The following PDE11A variants were observed in gnomAD, a reference collection of about 807,000 sequenced individuals.
PDE11A encodes the protein phosphodiesterase 11A.
PDE11A carries 100 observed loss-of-function variants against 100.5 expected under a neutral mutation model. The ratio of observed to expected loss-of-function variants is 1.00; its 90% CI spans 0.85 to 1.18. The LOEUF (loss-of-function observed/expected upper bound fraction) is 1.18, where lower values mean the gene tolerates loss of function less well. Among genes scored for constraint, PDE11A ranks in the 50% most tolerant of loss-of-function variants. The pLI is 0.00. For synonymous variants in PDE11A, 381 were observed against 420.8 expected, an observed-to-expected ratio of 0.91 and a Z score of 1.16; for missense variants, 1,141 against 1,152.6, an observed-to-expected ratio of 0.99 and a Z score of 0.15.
intron 5 of PDE11A, among the ~76,000 whole-genome samples, chr2:177,850,830 A>T (rs1002896860): frequency 1.3e-5 from 2 of 152,148 alleles, no homozygotes; most frequent in African/African-American, 2.4e-5. Flanking sequence ...TCAAAACCAC[A>T]ATGAGATACC....
chr2:177,679,622 G>C (rs1036492473), intron 16 of PDE11A, among the ~76,000 whole-genome samples: 2 of 152,062 alleles, frequency 1.3e-5, no homozygotes, highest in Non-Finnish European at 2.9e-5. Flanking sequence ...TATACAAAAA[G>C]AAAGAAATTG....
intron 9 of PDE11A, among the ~76,000 whole-genome samples, chr2:177,816,126 G>T (rs1005492277): frequency 1.3e-5 from 2 of 152,086 alleles, no homozygotes; most frequent in African/African-American, 2.4e-5. Flanking sequence ...CAGGAGAATT[G>T]CTTGAACCCG....
At chr2:177,848,066 C>A (rs1258454859) in intron 5 of PDE11A, among the ~76,000 whole-genome samples, 1 of 151,956 alleles carries the variant, frequency 6.6e-6, no homozygotes, top group African/African-American at 2.4e-5. Context: ...GCATAGAATT[C>A]TTAGCAACAT....
intron 5 of PDE11A, among the ~76,000 whole-genome samples, chr2:177,864,062 G>A (rs1285977491): frequency 2.0e-5 from 3 of 152,104 alleles, no homozygotes; most frequent in Non-Finnish European, 4.4e-5. Context: ...ACATGGATAA[G>A]CCTGGAGGAC....
intron 9 of PDE11A, among the ~76,000 whole-genome samples, chr2:177,790,730 G>A (rs2082617024): frequency 6.6e-6 from 1 of 152,124 alleles, no homozygotes. Flanking sequence ...GTGGGCGAAG[G>A]ATATGAACAG....
intron 1 of PDE11A, 34 bp from the exon 2 acceptor site, chr2:178,014,494 G>A (rs377409961): frequency 6.4e-6 from 10 of 1,568,162 alleles, no homozygotes; most frequent in Non-Finnish European, 8.8e-6. Context: ...TTAACTGCAT[G>A]TGCATTGTTG....
chr2:178,064,876 C>T (rs1043565550), intron 1 of PDE11A, among the ~76,000 whole-genome samples: 1 of 151,398 alleles, frequency 6.6e-6, no homozygotes, highest in Admixed American at 6.6e-5. Context: ...AAGATTTTTT[C>T]TCCTGAATTT....
intron 10 of PDE11A, among the ~76,000 whole-genome samples, chr2:177,759,839 T>C (rs1366404487): frequency 6.6e-6 from 1 of 152,208 alleles, no homozygotes; most frequent in Admixed American, 6.5e-5. Context: ...ACGTATTAAT[T>C]GCCCAAAGAG....
At chr2:177,822,266 T>C (rs553942785) in intron 6 of PDE11A, among the ~76,000 whole-genome samples, 2 of 152,050 alleles carry the variant, frequency 1.3e-5, no homozygotes, top group South Asian at 4.1e-4. Flanking sequence ...TTTTCATGTA[T>C]AATATGAGCT....
intron 12 of PDE11A, among the ~76,000 whole-genome samples, chr2:177,714,016 C>T (rs527873288): frequency 8.2e-4 from 27 of 32,728 alleles, no homozygotes; most frequent in Middle Eastern, 0.033. Flanking sequence ...TTTTTTGAGA[C>T]GGAGTCTCTC....
At chr2:177,751,264 A>G (rs1007593342) in intron 10 of PDE11A, among the ~76,000 whole-genome samples, 4 of 151,540 alleles carry the variant, frequency 2.6e-5, no homozygotes, top group African/African-American at 9.7e-5. Flanking sequence ...CTTACTTCCT[A>G]TCACACTTCC....
chr2:177,882,567 AC>A (rs2084360566), intron 4 of PDE11A, among the ~76,000 whole-genome samples: 1 of 152,236 alleles, frequency 6.6e-6, no homozygotes, highest in Admixed American at 6.5e-5. Flanking sequence ...ATATACACAC[AC>A]TAAGTAAAAA....
Position 178,001,275 on chromosome 2 carries a change from A to AGTGTGTGTGTGTGTGTGT in PDE11A, c.1071+13009_1071+13026dup, listed in dbSNP as rs57136586. 9.5e-3 allele frequency among the ~76,000 whole-genome samples: 1,334 copies of AGTGTGTGTGTGTGTGTGT among 140,722 alleles called. 25 individuals are homozygous for AGTGTGTGTGTGTGTGTGT. Among genetic ancestry groups the AGTGTGTGTGTGTGTGTGT allele is most frequent in the African/African-American group, 0.025 (946 of 38,232 alleles). 92.3% of individuals were successfully genotyped at this position (140,722 alleles called of 152,430 possible). A position where few individuals can be genotyped will look rare whatever the true frequency, so the allele number is the denominator to read the frequency against. On this transcript the variant is annotated intron_variant, in intron 2 of 19. Transcript: ENST00000286063. The stretch of plus-strand genomic sequence containing the variant: ...CATTCCTTAGCAAAGACAATGTGAA[A>AGTGTGTGTGTGTGTGTGT]GTGTGTGTGTGTGTGTGTGTGTGTG...
intron 10 of PDE11A, among the ~76,000 whole-genome samples, chr2:177,753,313 G>T (rs2082049115): frequency 6.6e-6 from 1 of 152,028 alleles, no homozygotes; most frequent in South Asian, 2.1e-4. Context: ...GCATTCCCTA[G>T]TTGCTTTGAT....
chr2:177,853,021 G>C (rs180683655), intron 5 of PDE11A, among the ~76,000 whole-genome samples: 5 of 152,294 alleles, frequency 3.3e-5, no homozygotes, highest in Non-Finnish European at 7.4e-5. Flanking sequence ...TCACTGTGCA[G>C]TTGTGACTAT....
chr2:177,819,993 G>A (rs7567851), intron 7 of PDE11A, among the ~76,000 whole-genome samples: 34 of 150,658 alleles, frequency 2.3e-4, no homozygotes, highest in Non-Finnish European at 4.3e-4. Flanking sequence ...GATTCTCTAC[G>A]ACTTTAAAAT....
chr2:178,001,191 GAAGAA>G (rs960654111), intron 2 of PDE11A, among the ~76,000 whole-genome samples: 4 of 151,788 alleles, frequency 2.6e-5, no homozygotes, highest in Admixed American at 6.6e-5. Flanking sequence ...TCTCATTTAA[GAAGAA>G]AAGAAAACAC....
chr2:177,814,506 A>C lies in PDE11A; in HGVS notation c.1737+2323T>G, dbSNP rs1042796355. On this transcript the variant is annotated intron_variant, in intron 9 of 19. Coordinates refer to ENST00000286063, the MANE Select transcript of PDE11A (RefSeq NM_016953.4). Reference sequence around the variant, plus strand: ...TACTCAGTGGGGTGGGAGTTGGCTGAGAGTGGAAGCGGCAAGAGCAAGATG... The same window carrying C: ...TACTCAGTGGGGTGGGAGTTGGCTGCGAGTGGAAGCGGCAAGAGCAAGATG... Among the ~76,000 whole-genome samples the C allele has an allele frequency of 3.9e-5, 6 of 152,128 alleles. 1 individual carries two copies. The highest frequency in any genetic ancestry group is 3.3e-4 in the Admixed American group (5 of 15,264).
At chr2:177,739,243 G>A (rs999175730) in intron 10 of PDE11A, among the ~76,000 whole-genome samples, 2 of 152,126 alleles carry the variant, frequency 1.3e-5, no homozygotes, top group African/African-American at 4.8e-5. Context: ...CAATGGTCCT[G>A]TTACAACGTG....
Sources: allele counts gnomAD v4.1 joint callset (sites outside exome capture counted in the v4.1 genomes callset), GRCh38; gene constraint gnomAD v4.1.1; transcripts MANE v1.5; gene names NCBI Gene and HGNC (gene_info 2026-07-23, HGNC 2026-07-21).